The following HPCAL1 variants were observed in gnomAD, a reference collection of about 807,000 sequenced individuals.
HPCAL1 encodes the protein hippocalcin-like protein 1.
Under a neutral mutation model 17.1 loss-of-function variants are expected in HPCAL1, and 8 were observed. The ratio of observed to expected loss-of-function variants is 0.47; its 90% CI spans 0.27 to 0.84. HPCAL1 has a LOEUF of 0.84. HPCAL1 is among the 40% of genes least tolerant of loss of function. The pLI is 0.13. For missense variants in HPCAL1, 165 were observed against 271.1 expected, an observed-to-expected ratio of 0.61 and a Z score of 2.75; for synonymous variants, 112 against 111.4, an observed-to-expected ratio of 1.01 and a Z score of -0.03.
chr2:10,338,022 A>G (rs907320145), intron 1 of HPCAL1, among the ~76,000 whole-genome samples: 1 of 152,224 alleles, frequency 6.6e-6, no homozygotes, highest in Non-Finnish European at 1.5e-5. Context: ...GTTAGTCAAC[A>G]GAACTGCAGA....
At chr2:10,373,592 T>C (rs1469426228) in intron 1 of HPCAL1, among the ~76,000 whole-genome samples, 1 of 152,158 alleles carries the variant, frequency 6.6e-6, no homozygotes, top group Non-Finnish European at 1.5e-5. Flanking sequence ...GTTTTTTGTT[T>C]TTTTATGTTT....
At chr2:10,324,932 C>T (rs1663908584) in intron 1 of HPCAL1, among the ~76,000 whole-genome samples, 2 of 146,898 alleles carry the variant, frequency 1.4e-5, no homozygotes, top group South Asian at 4.3e-4. Context: ...AAGTGATTCT[C>T]CTGCCTCAGC....
intron 1 of HPCAL1, among the ~76,000 whole-genome samples, chr2:10,321,106 G>T (rs1022608518): frequency 6.6e-5 from 10 of 152,156 alleles, no homozygotes; most frequent in African/African-American, 2.2e-4. Context: ...GCTGGCATCT[G>T]CTCAACTTCT....
At chr2:10,378,360 A>G (rs1667720783) in intron 1 of HPCAL1, among the ~76,000 whole-genome samples, 1 of 150,952 alleles carries the variant, frequency 6.6e-6, no homozygotes, top group East Asian at 2.0e-4. Flanking sequence ...TCCTGTCCCG[A>G]TAAAGGAGGG....
chr2:10,399,521 C>T (rs1323191341), intron 2 of HPCAL1, among the ~76,000 whole-genome samples: 4 of 126,872 alleles, frequency 3.2e-5, no homozygotes, highest in Non-Finnish European at 5.1e-5. Flanking sequence ...CCGCCGCCAC[C>T]ACCGCCACTG....
intron 3 of HPCAL1, among the ~76,000 whole-genome samples, chr2:10,420,395 C>T (rs190947697): frequency 2.7e-4 from 41 of 152,008 alleles, no homozygotes; most frequent in African/African-American, 9.2e-4. Context: ...AGGGTTTTGC[C>T]ACATTATCCA....
chr2:10,328,845 G>A (rs184275930), intron 1 of HPCAL1, among the ~76,000 whole-genome samples: 33 of 152,014 alleles, frequency 2.2e-4, no homozygotes, highest in Non-Finnish European at 3.7e-4. Context: ...TTCGACATGT[G>A]GGGGGTTGCT....
At chr2:10,345,699 C>T (rs927071426) in intron 1 of HPCAL1, among the ~76,000 whole-genome samples, 1 of 152,080 alleles carries the variant, frequency 6.6e-6, no homozygotes, top group African/African-American at 2.4e-5. Context: ...TTAAGCGATC[C>T]TCTCACTTCA....
chr2:10,317,911 C>T (rs868405943), intron 1 of HPCAL1, among the ~76,000 whole-genome samples: 2 of 152,224 alleles, frequency 1.3e-5, no homozygotes, highest in Non-Finnish European at 2.9e-5. Flanking sequence ...AGCTAAACCT[C>T]GGGGCCTGGA....
intron 1 of HPCAL1, among the ~76,000 whole-genome samples, chr2:10,318,480 T>C (rs1558453393): frequency 6.6e-6 from 1 of 152,190 alleles, no homozygotes; most frequent in Non-Finnish European, 1.5e-5. Flanking sequence ...ACTGATGGGG[T>C]CCTCAAGTGG....
intron 1 of HPCAL1, among the ~76,000 whole-genome samples, chr2:10,385,508 C>T (rs1572776884): frequency 6.6e-6 from 1 of 152,056 alleles, no homozygotes; most frequent in African/African-American, 2.4e-5. Context: ...TCTCGGAGGC[C>T]GGGCTGGGCT....
chr2:10,349,436 G>T (rs55737816), intron 1 of HPCAL1, among the ~76,000 whole-genome samples: 1 of 151,552 alleles, frequency 6.6e-6, no homozygotes, highest in Non-Finnish European at 1.5e-5. Context: ...CGCCGGGCAC[G>T]GTGGCTCACA....
intron 2 of HPCAL1, among the ~76,000 whole-genome samples, chr2:10,401,002 C>T (rs1393915245): frequency 1.3e-5 from 2 of 152,244 alleles, no homozygotes; most frequent in Non-Finnish European, 2.9e-5. Context: ...CTAGCCTCCC[C>T]ATCTGGTTGG....
intron 2 of HPCAL1, among the ~76,000 whole-genome samples, chr2:10,412,487 AG>A (rs1430391983): frequency 6.6e-6 from 1 of 152,200 alleles, no homozygotes; most frequent in Non-Finnish European, 1.5e-5. Context: ...AGGGCAGGAA[AG>A]GGCGTGTGCA....
chr2:10,359,983 G>A lies in HPCAL1; in HGVS notation c.-110-36852G>A, dbSNP rs113881114. Among the ~76,000 whole-genome samples, 204 of 151,942 alleles carry A rather than the reference G, an allele frequency of 1.3e-3. 1 individual carries two copies. Among genetic ancestry groups the A allele is most frequent in the African/African-American group, 4.6e-3 (189 of 41,226 alleles). ...AGGTTTGATGTGGGCTGAGCACACC[G>A]TCACTAACTCATTCCTTCATTCATT... is the stretch of plus-strand genomic sequence containing the variant. On this transcript the variant is annotated intron_variant, in intron 1 of 4. Coordinates refer to ENST00000307845, the MANE Select transcript of HPCAL1 (RefSeq NM_002149.4). The surrounding 1 kb of genome is among the most constrained non-coding windows in gnomAD (Gnocchi z 4.1).
rs143548968 is a variant in HPCAL1, at chr2:10,393,133, G to T, written c.-110-3702G>T. ...AGGCATGGCAATTTGTAAGACAATC[G>T]CCAGACAGAAATCGGGAGCAACCAG... is the stretch of plus-strand genomic sequence containing the variant. On this transcript the variant is annotated intron_variant, in intron 1 of 4. Transcript: ENST00000307845. 2.0e-5 allele frequency among the ~76,000 whole-genome samples: 3 copies of T among 152,304 alleles called. No individual in the cohort carries two copies. The South Asian group carries it at 6.2e-4, about 32-fold the overall frequency.
At chr2:10,332,513 C>T (rs933669674) in intron 1 of HPCAL1, among the ~76,000 whole-genome samples, 3 of 152,096 alleles carry the variant, frequency 2.0e-5, no homozygotes, top group Non-Finnish European at 4.4e-5. Flanking sequence ...GGGGGGTAGC[C>T]GTGCAGGGAA....
At chr2:10,412,361 G>T (rs1558528978) in intron 2 of HPCAL1, among the ~76,000 whole-genome samples, 4 of 152,218 alleles carry the variant, frequency 2.6e-5, no homozygotes, top group Admixed American at 1.3e-4. Flanking sequence ...ACCAGTCATT[G>T]ACTGCAGGCT....
chr2:10,416,416 G>C (rs115682776), intron 2 of HPCAL1, among the ~76,000 whole-genome samples: 3,363 of 152,270 alleles, frequency 0.022, 152 homozygotes, highest in African/African-American at 0.077. Context: ...AAGGAGTCCA[G>C]AGCTCACCTG....
Sources: gnomAD v4.1 joint callset for allele counts (sites outside exome capture counted in the v4.1 genomes callset) on GRCh38, gnomAD v4.1.1 for gene constraint, Gnocchi (gnomAD v3.1) non-coding constraint, MANE v1.5 for transcripts, NCBI Gene and HGNC (gene_info 2026-07-23, HGNC 2026-07-21) for gene names.